Variants in COLEC12 observed in about 807,000 individuals in gnomAD.
COLEC12 encodes the protein collectin-12.
Under a neutral mutation model 71.1 loss-of-function variants are expected in COLEC12, and 33 were observed. That is an observed-to-expected ratio of 0.46 (90% CI 0.35 to 0.62). COLEC12 has a LOEUF of 0.62. Among genes scored for constraint, COLEC12 ranks in the 20% least tolerant of loss-of-function variants. The pLI, the probability that COLEC12 is intolerant of heterozygous loss-of-function variation, is 0.00. For missense variants in COLEC12, 765 were observed against 916.1 expected, an observed-to-expected ratio of 0.84 and a Z score of 2.13; for synonymous variants, 350 against 353.0, an observed-to-expected ratio of 0.99 and a Z score of 0.10.
intron 2 of COLEC12, among the ~76,000 whole-genome samples, chr18:471,952 A>G (rs1917207610): frequency 1.3e-5 from 2 of 152,202 alleles, no homozygotes; most frequent in Non-Finnish European, 2.9e-5. Context: ...GCCTCTAAAA[A>G]AAAGGCACTG....
rs140400692 is a variant in COLEC12, at chr18:383,852, A to G, written c.59-26330T>C. 4.9e-3 allele frequency among the ~76,000 whole-genome samples: 748 copies of G among 152,262 alleles called. 1 individual carries two copies. Among genetic ancestry groups the G allele is most frequent in the Non-Finnish European group, 8.3e-3 (567 of 68,012 alleles). On this transcript the variant is annotated intron_variant, in intron 2 of 9. Coordinates refer to ENST00000400256, the MANE Select transcript of COLEC12 (RefSeq NM_130386.3). ...CTCACAGTTCCACATGGCTGGGGAG[A>G]CCTCACAATCATGGCAGAAAGTGAA... is the stretch of plus-strand genomic sequence containing the variant.
At chr18:413,479 C>A (rs1002725864) in intron 2 of COLEC12, among the ~76,000 whole-genome samples, 1 of 149,132 alleles carries the variant, frequency 6.7e-6, no homozygotes, top group African/African-American at 2.5e-5. Flanking sequence ...CTATATGACT[C>A]AGCAATTTCA....
intron 2 of COLEC12, among the ~76,000 whole-genome samples, chr18:371,934 G>A (rs532558040): frequency 6.6e-6 from 1 of 152,246 alleles, no homozygotes; most frequent in African/African-American, 2.4e-5. Context: ...GATATCCAGG[G>A]CAGAATCGAT....
rs1362881516 is a variant in COLEC12, at chr18:500,355, G to A, written c.7+153C>T. ...GACCCGGGAGCCGGGTGCGCCCCCA[G>A]TGTCCGCGCACGAACCCGGCGCCCT... On this transcript the variant is annotated intron_variant, in intron 1 of 9. Transcript: ENST00000400256. This position sits in a 1 kb window ranked among gnomAD's most constrained non-coding sequence, Gnocchi z 5.3. 6.6e-6 allele frequency among the ~76,000 whole-genome samples: 1 copy of A among 151,794 alleles called. No homozygotes were observed. The highest frequency in any genetic ancestry group is 1.5e-5 in the Non-Finnish European group (1 of 67,922).
intron 2 of COLEC12, among the ~76,000 whole-genome samples, chr18:380,354 T>C (rs555650756): frequency 6.6e-6 from 1 of 152,274 alleles, no homozygotes; most frequent in East Asian, 1.9e-4. Context: ...ACTCTTCCTC[T>C]ATAACCCATC....
At chr18:446,840 T>C (rs925597698) in intron 2 of COLEC12, among the ~76,000 whole-genome samples, 1 of 152,188 alleles carries the variant, frequency 6.6e-6, no homozygotes, top group Non-Finnish European at 1.5e-5. Context: ...CCCTAAATCA[T>C]CCTGAATCAT....
chr18:423,352 T>C (rs1916135329), intron 2 of COLEC12, among the ~76,000 whole-genome samples: 1 of 152,204 alleles, frequency 6.6e-6, no homozygotes, highest in African/African-American at 2.4e-5. Context: ...AAAATGAAGA[T>C]GTGACATTTC....
intron 1 of COLEC12, among the ~76,000 whole-genome samples, chr18:495,525 T>G (rs146663550): frequency 6.6e-6 from 1 of 152,200 alleles, no homozygotes. Flanking sequence ...TCCCAGAAGA[T>G]AAGCTACACA....
intron 2 of COLEC12, among the ~76,000 whole-genome samples, chr18:396,384 A>G (rs925203768): frequency 5.3e-5 from 8 of 152,170 alleles, no homozygotes; most frequent in Admixed American, 3.9e-4. Context: ...CCACCATCCA[A>G]TCTGACTCCA....
At chr18:365,272 G>A (rs938222553) in intron 2 of COLEC12, among the ~76,000 whole-genome samples, 1 of 152,192 alleles carries the variant, frequency 6.6e-6, no homozygotes, top group African/African-American at 2.4e-5. Flanking sequence ...CTAAATAAAT[G>A]CTCATTCTCT....
intron 2 of COLEC12, among the ~76,000 whole-genome samples, chr18:372,263 T>C (rs186067112): frequency 6.6e-6 from 1 of 152,326 alleles, no homozygotes; most frequent in Admixed American, 6.5e-5. Context: ...TTAATTTTTA[T>C]TGTATTGTCT....
intron 2 of COLEC12, among the ~76,000 whole-genome samples, chr18:368,738 C>G (rs907128043): frequency 6.6e-6 from 1 of 151,732 alleles, no homozygotes; most frequent in Non-Finnish European, 1.5e-5. Context: ...TGGTGGCGGG[C>G]GCCTGTAGTC....
At chr18:335,331 C>A in intron 5 of COLEC12, 101 bp from the exon 6 acceptor site, 1 of 1,298,348 alleles carries the variant, frequency 7.7e-7, no homozygotes, top group South Asian at 1.4e-5. Flanking sequence ...AAAAACCTAG[C>A]ATACAAAGTA....
At chr18:468,364 C>T (rs538315471) in intron 2 of COLEC12, among the ~76,000 whole-genome samples, 2 of 152,208 alleles carry the variant, frequency 1.3e-5, no homozygotes, top group East Asian at 3.9e-4. Flanking sequence ...CTAAAGAAAC[C>T]TTTGAAATCA....
chr18:496,728 C>G (rs1330634927), intron 1 of COLEC12, among the ~76,000 whole-genome samples: 1 of 152,208 alleles, frequency 6.6e-6, no homozygotes, highest in Non-Finnish European at 1.5e-5. Context: ...CAGCTGAACA[C>G]TGTGTTTTCA....
At chr18:446,946 C>T (rs949910572) in intron 2 of COLEC12, among the ~76,000 whole-genome samples, 5 of 152,160 alleles carry the variant, frequency 3.3e-5, no homozygotes, top group African/African-American at 1.2e-4. Context: ...TAACAGTTTA[C>T]CTAGAGTGGT....
intron 2 of COLEC12, among the ~76,000 whole-genome samples, chr18:413,697 C>T (rs7227062): frequency 0.55 from 83,757 of 152,038 alleles, 23,680 homozygotes; most frequent in South Asian, 0.62. Flanking sequence ...TGAATGTTTA[C>T]AGCAGTTTTA....
rs75553760 is a variant in COLEC12 at position 338,101 on chromosome 18, G to A, written c.1328-2871C>T. Among the ~76,000 whole-genome samples the A allele has an allele frequency of 3.7e-4, 56 of 152,288 alleles. 1 individual carries two copies. In the East Asian group the frequency reaches 7.1e-3, roughly 19 times the overall value. On this transcript the variant is annotated intron_variant, in intron 5 of 9. Transcript: ENST00000400256. ...GGCTCCTCCCAACCTAGTCTCGCCT[G>A]TGTTTATTCCATCCTCCTCTGTATT...
At chr18:323,030 G>A (rs746676405) in intron 8 of COLEC12, among the ~76,000 whole-genome samples, 9 of 152,190 alleles carry the variant, frequency 5.9e-5, no homozygotes, top group Non-Finnish European at 1.3e-4. Flanking sequence ...TTCGAGACCA[G>A]CCTGGCCAAC....
Sources: gnomAD v4.1 joint callset for allele counts (sites outside exome capture counted in the v4.1 genomes callset) on GRCh38, gnomAD v4.1.1 for gene constraint, Gnocchi (gnomAD v3.1) non-coding constraint, MANE v1.5 for transcripts, NCBI Gene and HGNC (gene_info 2026-07-23, HGNC 2026-07-21) for gene names.